The following ELP4 variants were observed in gnomAD, a reference collection of about 807,000 sequenced individuals.
ELP4 encodes elongator complex protein 4.
ELP4 carries 51 observed loss-of-function variants against 48.9 expected under a neutral mutation model. The observed-to-expected ratio is 1.04, with a 90% CI of 0.83 to 1.32. The LOEUF (loss-of-function observed/expected upper bound fraction) is 1.32, where lower values mean the gene tolerates loss of function less well. Among genes scored for constraint, ELP4 ranks in the 40% most tolerant of loss-of-function variants. The pLI is 0.00. For missense variants in ELP4, 519 were observed against 514.6 expected (o/e 1.01, Z -0.08); for synonymous variants, 210 against 189.2 (o/e 1.11, Z -0.90).
chr11:31,595,184 A>C (rs1396402672), intron 4 of ELP4, among the ~76,000 whole-genome samples: 1 of 152,174 alleles, frequency 6.6e-6, no homozygotes, highest in Non-Finnish European at 1.5e-5. Flanking sequence ...ATTTCTATCC[A>C]GTATGTTTAC....
intron 3 of ELP4, among the ~76,000 whole-genome samples, chr11:31,545,256 T>TAA (rs946034592): frequency 3.3e-5 from 5 of 152,068 alleles, no homozygotes; most frequent in Non-Finnish European, 7.4e-5. Context: ...GACGAATGTA[T>TAA]AACTAGAATA....
chr11:31,599,209 C>T (rs775407530), intron 4 of ELP4: 6 of 152,058 alleles, frequency 3.9e-5, no homozygotes, highest in Admixed American at 1.3e-4. Context: ...AGCTAAGACA[C>T]ATTAATCAAT....
intron 2 of ELP4, among the ~76,000 whole-genome samples, chr11:31,522,380 G>T (rs1320097640): frequency 6.6e-6 from 1 of 152,088 alleles, no homozygotes; most frequent in African/African-American, 2.4e-5. Flanking sequence ...CCCAAATATT[G>T]CCATGTAAGT....
At chr11:31,750,320 G>A (rs1324995370) in intron 9 of ELP4, among the ~76,000 whole-genome samples, 2 of 152,208 alleles carry the variant, frequency 1.3e-5, no homozygotes, top group African/African-American at 4.8e-5. Flanking sequence ...GCTCTCAAGA[G>A]TTGTGGTGAG....
chr11:31,567,430 A>C (rs927885755), intron 3 of ELP4, among the ~76,000 whole-genome samples: 7 of 152,234 alleles, frequency 4.6e-5, no homozygotes, highest in Admixed American at 1.3e-4. Context: ...TTGAAGAATT[A>C]CATTTGTCCA....
At chr11:31,691,670 T>C (rs564762500) in intron 9 of ELP4, among the ~76,000 whole-genome samples, 1 of 152,312 alleles carries the variant, frequency 6.6e-6, no homozygotes, top group Admixed American at 6.5e-5. Flanking sequence ...TACATATGTT[T>C]ACACTTGTTT....
At chr11:31,768,818 A>C (rs931398714) in intron 9 of ELP4, among the ~76,000 whole-genome samples, 1 of 152,244 alleles carries the variant, frequency 6.6e-6, no homozygotes, top group African/African-American at 2.4e-5. Flanking sequence ...GTTTCAGCAT[A>C]AAGTAACCAA....
At chr11:31,559,831 A>G (rs1956985643) in intron 3 of ELP4, among the ~76,000 whole-genome samples, 1 of 150,702 alleles carries the variant, frequency 6.6e-6, no homozygotes, top group East Asian at 2.0e-4. Context: ...TGAATCCAGG[A>G]GGCAGAGGTT....
intron 9 of ELP4, chr11:31,650,463 G>A (rs1221642264): frequency 5.9e-6 from 2 of 338,028 alleles, no homozygotes; most frequent in South Asian, 1.0e-4. Context: ...TTAAAAGTAA[G>A]CTCCAAACTT....
At chr11:31,729,546 G>A (rs1323812245) in intron 9 of ELP4, among the ~76,000 whole-genome samples, 2 of 152,098 alleles carry the variant, frequency 1.3e-5, no homozygotes, top group African/African-American at 2.4e-5. Flanking sequence ...GTTGTTAAAC[G>A]CTTCTAACAC....
intron 4 of ELP4, among the ~76,000 whole-genome samples, chr11:31,602,752 A>G (rs1368016435): frequency 6.6e-6 from 1 of 151,882 alleles, no homozygotes; most frequent in Non-Finnish European, 1.5e-5. Flanking sequence ...ATAAGTATCT[A>G]CTATGTATAG....
At chr11:31,624,358 G>T (rs1029916898) in intron 5 of ELP4, among the ~76,000 whole-genome samples, 3 of 151,734 alleles carry the variant, frequency 2.0e-5, no homozygotes, top group African/African-American at 7.2e-5. Flanking sequence ...TGTGCAGCAT[G>T]TTACTGGACT....
chr11:31,669,694 C>T (rs1487357543), intron 9 of ELP4, among the ~76,000 whole-genome samples: 5 of 152,114 alleles, frequency 3.3e-5, no homozygotes. Flanking sequence ...ACAATAGATA[C>T]GTATTAAACA....
intron 9 of ELP4, among the ~76,000 whole-genome samples, chr11:31,716,312 C>G (rs1946841163): frequency 6.6e-6 from 1 of 152,164 alleles, no homozygotes; most frequent in South Asian, 2.1e-4. Flanking sequence ...CGTGCTCTGC[C>G]TAGTTCTTTA....
At chr11:31,705,943 C>T (rs921872385) in intron 9 of ELP4, among the ~76,000 whole-genome samples, 2 of 152,090 alleles carry the variant, frequency 1.3e-5, no homozygotes, top group Non-Finnish European at 2.9e-5. Context: ...ACCTCAAACT[C>T]CTAGGCTCAA....
chr11:31,536,561 A>G (rs11031402), intron 2 of ELP4, among the ~76,000 whole-genome samples: 97 of 152,270 alleles, frequency 6.4e-4, no homozygotes, highest in African/African-American at 2.3e-3. Context: ...TATGTTGGCC[A>G]GGCTAGTCTC....
At chr11:31,608,039 ATTT>A (rs35425354) in intron 5 of ELP4, among the ~76,000 whole-genome samples, 3 of 146,124 alleles carry the variant, frequency 2.1e-5, no homozygotes, top group Non-Finnish European at 1.5e-5. Context: ...AGAGTTTGCA[ATTT>A]TTTTTTTTTT....
At chr11:31,701,318 T>C (rs1462073065) in intron 9 of ELP4, among the ~76,000 whole-genome samples, 1 of 152,166 alleles carries the variant, frequency 6.6e-6, no homozygotes, top group Non-Finnish European at 1.5e-5. Flanking sequence ...AAAACTAAGC[T>C]GTCACATTGC....
intron 9 of ELP4, among the ~76,000 whole-genome samples, chr11:31,697,359 C>A (rs904182594): frequency 1.3e-5 from 2 of 152,110 alleles, no homozygotes; most frequent in Non-Finnish European, 2.9e-5. Flanking sequence ...TACATCAGGG[C>A]TTTCATTTCA....
Sources: gnomAD v4.1 joint callset for allele counts (sites outside exome capture counted in the v4.1 genomes callset) on GRCh38, gnomAD v4.1.1 for gene constraint, MANE v1.5 for transcripts, NCBI Gene and HGNC (gene_info 2026-07-23, HGNC 2026-07-21) for gene names.